BLTP1: variants seen among roughly 807,000 people sequenced by gnomAD.
The protein encoded by BLTP1 is fragile site-associated protein.
chr4:122,250,060 T>A, the BLTP1 span: 1 of 826,682 alleles, frequency 1.2e-6, no homozygotes, highest in South Asian at 5.6e-5. Context: ...AAATATCTAC[T>A]TAGAATTATA....
At chr4:122,220,243 TAATC>T in the BLTP1 span, 1 of 1,370,004 alleles carries the variant, frequency 7.3e-7, no homozygotes, top group Admixed American at 2.3e-5. Context: ...CAAATTCTCT[TAATC>T]ATGACAGATG....
chr4:122,344,651 C>A, the BLTP1 span: 1 of 1,209,236 alleles, frequency 8.3e-7, no homozygotes, highest in South Asian at 1.4e-5. Context: ...TATTAAGTCA[C>A]TTAATGTTAA....
the BLTP1 span, chr4:122,240,470 T>C: frequency 5.0e-6 from 4 of 797,616 alleles, no homozygotes; most frequent in Admixed American, 2.8e-5. Flanking sequence ...AGAGAGACTT[T>C]CTGAAGCCAT....
the BLTP1 span, chr4:122,267,712 T>G: frequency 1.8e-6 from 1 of 550,340 alleles, no homozygotes. Context: ...TCTTTTGCTG[T>G]TATTTTATAT....
At chr4:122,328,468 TTGAG>T in the BLTP1 span, 14 of 990,578 alleles carry the variant, frequency 1.4e-5, no homozygotes, top group South Asian at 1.9e-5. Flanking sequence ...TGTGCCTCGC[TTGAG>T]TGAGACTAAC....
At chr4:122,268,280 T>C in the BLTP1 span, among the ~76,000 whole-genome samples, 8 of 152,040 alleles carry the variant, frequency 5.3e-5, no homozygotes, top group African/African-American at 1.5e-4. Context: ...TAAAAACTTA[T>C]CAAAGAGTAG....
the BLTP1 span, among the ~76,000 whole-genome samples, chr4:122,194,205 C>T: frequency 7.0e-3 from 1,064 of 152,174 alleles, 10 homozygotes; most frequent in African/African-American, 0.025. Flanking sequence ...TATAATATAC[C>T]GAACAGTATA....
At chr4:122,175,370 A>G in the BLTP1 span, 2 of 593,482 alleles carry the variant, frequency 3.4e-6, no homozygotes, top group Non-Finnish European at 4.2e-6. Flanking sequence ...TATTTATGAG[A>G]AATGAAGGAA....
chr4:122,221,861 G>A, the BLTP1 span: 1 of 983,848 alleles, frequency 1.0e-6, no homozygotes, highest in Non-Finnish European at 1.2e-6. Flanking sequence ...ACTATCCCTG[G>A]TTTTTTATGA....
chr4:122,247,130 A>AT, the BLTP1 span: 1 of 1,590,186 alleles, frequency 6.3e-7, no homozygotes, highest in South Asian at 1.1e-5. Flanking sequence ...TAAATGTTAA[A>AT]CATTTTACTC....
chr4:122,357,064 T>C, the BLTP1 span: 1 of 978,094 alleles, frequency 1.0e-6, no homozygotes, highest in Non-Finnish European at 1.2e-6. Flanking sequence ...CAAAGTGAAA[T>C]GACTAAAGAA....
chr4:122,186,298 T>C, the BLTP1 span: 2 of 1,213,728 alleles, frequency 1.6e-6, no homozygotes, highest in Non-Finnish European at 2.3e-6. Context: ...ATTGAGGCTA[T>C]GCACCTAAAC....
At chr4:122,246,111 A>G in the BLTP1 span, 18 of 1,520,626 alleles carry the variant, frequency 1.2e-5, no homozygotes, top group African/African-American at 1.7e-4. Context: ...TGTGGAAGTT[A>G]TGAAAAGCTT....
chr4:122,239,673 G>A, the BLTP1 span: 7 of 1,614,048 alleles, frequency 4.3e-6, no homozygotes, highest in South Asian at 4.4e-5. Flanking sequence ...TTTCTATGGG[G>A]ACAAGCAGCC....
the BLTP1 span, chr4:122,173,201 T>G: frequency 2.1e-5 from 33 of 1,581,522 alleles, no homozygotes; most frequent in Middle Eastern, 1.9e-4. Flanking sequence ...AATCTTGAGA[T>G]GTTGTCTTAC....
chr4:122,182,962 G>T, the BLTP1 span: 1 of 982,726 alleles, frequency 1.0e-6, no homozygotes, highest in Non-Finnish European at 1.2e-6. Context: ...GACTTCATAC[G>T]TGTATTCTGG....
chr4:122,238,076 C>T, the BLTP1 span: 1 of 1,611,220 alleles, frequency 6.2e-7, no homozygotes, highest in Non-Finnish European at 8.5e-7. Flanking sequence ...ACTTAACCCA[C>T]CTTTTGTTTG....
the BLTP1 span, chr4:122,306,114 T>G: frequency 6.9e-7 from 1 of 1,456,026 alleles, no homozygotes; most frequent in Non-Finnish European, 9.2e-7. Flanking sequence ...GATAAGAATC[T>G]TGTAGTTTAC....
At chr4:122,328,257 C>T in the BLTP1 span, 5 of 1,610,588 alleles carry the variant, frequency 3.1e-6, no homozygotes, top group South Asian at 1.1e-5. Flanking sequence ...TGAAGAGGGC[C>T]GACGGGATGA....
Sources: gnomAD v4.1 joint callset for allele counts (sites outside exome capture counted in the v4.1 genomes callset) on GRCh38, gnomAD v4.1.1 for gene constraint, MANE v1.5 for transcripts, NCBI Gene and HGNC (gene_info 2026-07-23, HGNC 2026-07-21) for gene names.